The following CABCOCO1 variants were observed in gnomAD, a reference collection of about 807,000 sequenced individuals.
CABCOCO1 encodes ciliary-associated calcium-binding coiled-coil protein 1.
A neutral mutation model predicts 35.7 loss-of-function variants in CABCOCO1; 28 were observed. The observed-to-expected ratio is 0.78, with a 90% CI of 0.58 to 1.07. The LOEUF is 1.07. Among genes scored for constraint, CABCOCO1 ranks in the 50% least tolerant of loss-of-function variants. The pLI is 0.00. For missense variants in CABCOCO1, 326 were observed against 309.2 expected, an observed-to-expected ratio of 1.05 and a Z score of -0.41; for synonymous variants, 95 against 100.1, an observed-to-expected ratio of 0.95 and a Z score of 0.30.
At chr10:61,671,857 T>A (rs1262346537) in intron 1 of CABCOCO1, among the ~76,000 whole-genome samples, 1 of 152,192 alleles carries the variant, frequency 6.6e-6, no homozygotes, top group Non-Finnish European at 1.5e-5. Context: ...GAAACAAACT[T>A]CTCAGACTAC....
chr10:61,752,765 C>G (rs1448041491), intron 5 of CABCOCO1, among the ~76,000 whole-genome samples: 1 of 151,360 alleles, frequency 6.6e-6, no homozygotes, highest in Non-Finnish European at 1.5e-5. Flanking sequence ...TTTCATAGCA[C>G]TTTACAAGTA....
chr10:61,740,983 C>A (rs1841537504), intron 5 of CABCOCO1, among the ~76,000 whole-genome samples: 1 of 151,820 alleles, frequency 6.6e-6, no homozygotes, highest in Non-Finnish European at 1.5e-5. Flanking sequence ...CCCATCTCTA[C>A]TAAAAATACA....
chr10:61,680,410 TATATA>T (rs1839684827), intron 2 of CABCOCO1, among the ~76,000 whole-genome samples: 1 of 132,050 alleles, frequency 7.6e-6, no homozygotes, highest in Non-Finnish European at 1.6e-5. Context: ...ATATATAACA[TATATA>T]ATATATATTT....
At chr10:61,698,979 A>G (rs1840368266) in intron 5 of CABCOCO1, among the ~76,000 whole-genome samples, 2 of 152,156 alleles carry the variant, frequency 1.3e-5, no homozygotes, top group Admixed American at 1.3e-4. Flanking sequence ...TACCTATCAA[A>G]ATAATCTAAA....
intron 5 of CABCOCO1, among the ~76,000 whole-genome samples, chr10:61,717,257 C>G (rs1815298432): frequency 6.6e-6 from 1 of 152,124 alleles, no homozygotes; most frequent in South Asian, 2.1e-4. Context: ...AGAACATACA[C>G]AGGAAAGAAC....
intron 1 of CABCOCO1, among the ~76,000 whole-genome samples, chr10:61,665,031 G>A (rs1376350495): frequency 6.6e-6 from 1 of 152,202 alleles, no homozygotes; most frequent in African/African-American, 2.4e-5. Flanking sequence ...AGTCAACTGA[G>A]CCAAGCAGTT....
intron 5 of CABCOCO1, among the ~76,000 whole-genome samples, chr10:61,717,943 T>G (rs1408772997): frequency 2.0e-5 from 3 of 152,222 alleles, no homozygotes; most frequent in Admixed American, 2.0e-4. Context: ...ACGACTCATC[T>G]TGAGCAGGGT....
chr10:61,722,395 CA>C (rs1841044527), intron 5 of CABCOCO1, among the ~76,000 whole-genome samples: 1 of 151,844 alleles, frequency 6.6e-6, no homozygotes, highest in South Asian at 2.1e-4. Flanking sequence ...ACTCTTTAGC[CA>C]AAAAGTAAAT....
At chr10:61,749,005 A>C (rs1161509621) in intron 5 of CABCOCO1, among the ~76,000 whole-genome samples, 1 of 152,230 alleles carries the variant, frequency 6.6e-6, no homozygotes, top group Non-Finnish European at 1.5e-5. Context: ...ATCAGCCATG[A>C]AAATTATTTC....
chr10:61,681,308 T>C lies in CABCOCO1; in HGVS notation c.330T>C (p.Leu110=), dbSNP rs1258116660. The C allele has an allele frequency of 3.3e-6, 5 of 1,534,200 alleles. No homozygotes were observed. Residue 110 remains leucine, a synonymous_variant, in exon 3 of 8, where the codon CTT becomes CTC. Coordinates refer to ENST00000648843, the MANE Select transcript of CABCOCO1 (RefSeq NM_001366906.2). ...MTLLAMSLQN[L]KTLHMSLEES... ...TACTAGCTATGTCACTTCAAAATCTTAAAAGTAAGTACACTATTTTCCTTT... is the reference window on the plus strand; with the variant it reads ...TACTAGCTATGTCACTTCAAAATCTCAAAAGTAAGTACACTATTTTCCTTT...
At chr10:61,718,295 T>C (rs1421896908) in intron 5 of CABCOCO1, among the ~76,000 whole-genome samples, 1 of 152,110 alleles carries the variant, frequency 6.6e-6, no homozygotes, top group Admixed American at 6.5e-5. Flanking sequence ...TATGTAGGTG[T>C]TTTAATTTCC....
intron 5 of CABCOCO1, among the ~76,000 whole-genome samples, chr10:61,738,218 G>A (rs1841468662): frequency 6.6e-6 from 1 of 152,042 alleles, no homozygotes; most frequent in Admixed American, 6.6e-5. Context: ...TGTATAATTT[G>A]CCAGCATACG....
chr10:61,692,469 G>C (rs1840175093), intron 5 of CABCOCO1, among the ~76,000 whole-genome samples: 1 of 152,038 alleles, frequency 6.6e-6, no homozygotes, highest in African/African-American at 2.4e-5. Context: ...GGGCTTTGTT[G>C]CCTCCTAGAA....
intron 5 of CABCOCO1, among the ~76,000 whole-genome samples, chr10:61,750,818 T>G (rs1289022535): frequency 5.3e-5 from 8 of 152,298 alleles, no homozygotes; most frequent in Admixed American, 5.2e-4. Flanking sequence ...TTTAGATGAA[T>G]GGATAGATAC....
intron 2 of CABCOCO1, among the ~76,000 whole-genome samples, chr10:61,674,019 C>T (rs555945399): frequency 6.6e-6 from 1 of 151,990 alleles, no homozygotes; most frequent in African/African-American, 2.4e-5. Flanking sequence ...CAAAATAGCA[C>T]AATGCGAATA....
chr10:61,746,854 CA>C (rs201400318), intron 5 of CABCOCO1, among the ~76,000 whole-genome samples: 22 of 150,582 alleles, frequency 1.5e-4, no homozygotes, highest in East Asian at 1.2e-3. Context: ...TCTCTGCAAA[CA>C]AAAAAAAACC....
chr10:61,679,891 A>G (rs1442700538), intron 2 of CABCOCO1, among the ~76,000 whole-genome samples: 1 of 152,196 alleles, frequency 6.6e-6, no homozygotes, highest in Non-Finnish European at 1.5e-5. Context: ...AGATAAAGAA[A>G]TAAAAGATTA....
At position 61,680,698 on chromosome 10, in the gene CABCOCO1, A is replaced by ATAT. The variant is rs1375866009; in HGVS notation, c.165-444_165-442dup. ...TATATGTTATACATGTATAACATAT[A>ATAT]TATGTTATACATGTATAACATATAT... On this transcript the variant is annotated intron_variant, in intron 2 of 7. Transcript: ENST00000648843. Among the ~76,000 whole-genome samples the ATAT allele has an allele frequency of 9.8e-5, 12 of 122,540 alleles. 1 individual carries two copies. The East Asian group carries it at 1.4e-3, about 14-fold the overall frequency. 80.4% of individuals were successfully genotyped at this position (122,540 alleles called of 152,430 possible).
intron 5 of CABCOCO1, among the ~76,000 whole-genome samples, chr10:61,700,930 TGTATACATATACATACATGTATAC>T (rs1359053997): frequency 1.6e-5 from 1 of 63,504 alleles, no homozygotes; most frequent in Non-Finnish European, 2.9e-5. Context: ...TGTATGTATA[TGTATACATATACATACATGTATAC>T]ATATACATAC....
Sources: gnomAD v4.1 joint callset for allele counts (sites outside exome capture counted in the v4.1 genomes callset) on GRCh38, gnomAD v4.1.1 for gene constraint, MANE v1.5 for transcripts, NCBI Gene and HGNC (gene_info 2026-07-23, HGNC 2026-07-21) for gene names.